MIPEP: variants seen among roughly 807,000 people sequenced by gnomAD.
MIPEP encodes the protein mitochondrial intermediate peptidase.
MIPEP carries 79 observed loss-of-function variants against 90.3 expected under a neutral mutation model. The observed-to-expected ratio is 0.87, with a 90% CI of 0.73 to 1.05. The LOEUF is 1.05. Ranked by LOEUF, MIPEP falls within the 50% of genes least tolerant of loss-of-function variation. MIPEP has a pLI of 0.00. For synonymous variants in MIPEP, 334 were observed against 315.8 expected (o/e 1.06, Z -0.61); for missense variants, 940 against 905.6 (o/e 1.04, Z -0.49).
chr13:23,809,634 T>C (rs944655069), intron 15 of MIPEP, among the ~76,000 whole-genome samples: 8 of 152,160 alleles, frequency 5.3e-5, no homozygotes, highest in African/African-American at 1.7e-4. Context: ...TGAGCCACTG[T>C]GCCTGGCCAG....
intron 18 of MIPEP, among the ~76,000 whole-genome samples, chr13:23,736,502 C>T (rs913914290): frequency 7.9e-5 from 12 of 152,150 alleles, no homozygotes; most frequent in African/African-American, 2.9e-4. Context: ...CTCAAATTAG[C>T]GTGTTTCATA....
Position 23,756,630 on chromosome 13 carries a change from A to G in MIPEP, c.1971-12T>C. 6.2e-7 allele frequency: 1 copy of G among 1,611,248 alleles called. No individual in the cohort carries two copies. The highest frequency in any genetic ancestry group is 1.1e-5 in the South Asian group (1 of 91,062). On this transcript the variant is annotated splice_polypyrimidine_tract_variant and intron_variant, in intron 17 of 18. Coordinates refer to ENST00000382172, the MANE Select transcript of MIPEP (RefSeq NM_005932.4). Reference sequence around the variant, plus strand: ...GCTCCCCGGCAGCCCTGGGGAAGAGAGGTTCTGTTACAGACTCCTGCTTGC... The same window carrying G: ...GCTCCCCGGCAGCCCTGGGGAAGAGGGGTTCTGTTACAGACTCCTGCTTGC...
chr13:23,797,242 C>A (rs558006553), intron 16 of MIPEP, among the ~76,000 whole-genome samples: 2 of 152,110 alleles, frequency 1.3e-5, no homozygotes, highest in South Asian at 4.2e-4. Context: ...TTCCCTGCTG[C>A]CCCTTCCCAC....
chr13:23,753,776 A>G (rs1405388815), intron 18 of MIPEP, among the ~76,000 whole-genome samples: 2 of 152,206 alleles, frequency 1.3e-5, no homozygotes, highest in African/African-American at 2.4e-5. Flanking sequence ...CCAAGGGATG[A>G]CTCATTCTGA....
At chr13:23,870,987 G>A (rs192044385) in intron 5 of MIPEP, among the ~76,000 whole-genome samples, 102 of 152,252 alleles carry the variant, frequency 6.7e-4, no homozygotes, top group African/African-American at 2.1e-3. Flanking sequence ...AGTGAGCTAC[G>A]ATCACACCAC....
At chr13:23,797,144 C>A (rs1400169344) in intron 16 of MIPEP, among the ~76,000 whole-genome samples, 2 of 152,206 alleles carry the variant, frequency 1.3e-5, no homozygotes, top group Non-Finnish European at 2.9e-5. Flanking sequence ...GCCAACCACA[C>A]TGGCTGACCC....
At chr13:23,731,560 G>A (rs540734957) in intron 18 of MIPEP, among the ~76,000 whole-genome samples, 2 of 152,118 alleles carry the variant, frequency 1.3e-5, no homozygotes, top group African/African-American at 2.4e-5. Flanking sequence ...ACCGCATGAA[G>A]TATCTTTGTG....
chr13:23,789,677 A>T (rs191340801), intron 16 of MIPEP, among the ~76,000 whole-genome samples: 66 of 152,328 alleles, frequency 4.3e-4, no homozygotes, highest in African/African-American at 1.5e-3. Context: ...CTATTTGGCA[A>T]GCTAACATAA....
chr13:23,884,894 T>C (rs568051095), intron 2 of MIPEP, among the ~76,000 whole-genome samples: 1 of 152,280 alleles, frequency 6.6e-6, no homozygotes, highest in South Asian at 2.1e-4. Flanking sequence ...ACTATTTAAA[T>C]TGTGTGTGCT....
intron 16 of MIPEP, among the ~76,000 whole-genome samples, chr13:23,800,533 T>C (rs563304510): frequency 8.5e-5 from 13 of 152,294 alleles, no homozygotes; most frequent in African/African-American, 3.1e-4. Flanking sequence ...GTAGAAAATT[T>C]TGGATTTCCA....
At chr13:23,884,897 T>A (rs1226191281) in intron 2 of MIPEP, among the ~76,000 whole-genome samples, 1 of 152,194 alleles carries the variant, frequency 6.6e-6, no homozygotes, top group Non-Finnish European at 1.5e-5. Flanking sequence ...ATTTAAATTG[T>A]GTGTGCTGCT....
At chr13:23,798,773 C>A (rs769616863) in intron 16 of MIPEP, among the ~76,000 whole-genome samples, 2 of 152,074 alleles carry the variant, frequency 1.3e-5, no homozygotes, top group African/African-American at 4.8e-5. Context: ...CCACTCTCCC[C>A]CTTTGCCTTC....
intron 15 of MIPEP, among the ~76,000 whole-genome samples, chr13:23,807,231 A>G (rs941307283): frequency 6.6e-6 from 1 of 152,258 alleles, no homozygotes; most frequent in Admixed American, 6.5e-5. Context: ...GAAATCTAAA[A>G]TAAACATAAA....
intron 18 of MIPEP, among the ~76,000 whole-genome samples, chr13:23,743,546 G>C (rs918178487): frequency 6.6e-6 from 1 of 152,130 alleles, no homozygotes; most frequent in African/African-American, 2.4e-5. Flanking sequence ...GGTATCTGTC[G>C]GCATTCACAT....
At chr13:23,765,673 G>C (rs1317130030) in intron 16 of MIPEP, among the ~76,000 whole-genome samples, 4 of 152,194 alleles carry the variant, frequency 2.6e-5, no homozygotes. Context: ...ACTTACTGCA[G>C]TACTGGAAGC....
intron 14 of MIPEP, among the ~76,000 whole-genome samples, chr13:23,833,127 C>T (rs952258910): frequency 6.6e-6 from 1 of 152,142 alleles, no homozygotes; most frequent in Non-Finnish European, 1.5e-5. Flanking sequence ...TAGGCATAAA[C>T]ATGCAACCCT....
At chr13:23,790,864 C>T (rs757086107) in intron 16 of MIPEP, among the ~76,000 whole-genome samples, 9 of 152,222 alleles carry the variant, frequency 5.9e-5, no homozygotes, top group Non-Finnish European at 1.2e-4. Flanking sequence ...GGCCTCTCGA[C>T]TCCTTGACCT....
intron 7 of MIPEP, among the ~76,000 whole-genome samples, chr13:23,866,103 T>A (rs541936389): frequency 6.6e-6 from 1 of 152,254 alleles, no homozygotes; most frequent in South Asian, 2.1e-4. Context: ...TCAGCCTCTC[T>A]GTCTTCCTTC....
Position 23,855,697 on chromosome 13 carries a change from G to A in MIPEP, c.1106+3163C>T, listed in dbSNP as rs760521527. On this transcript the variant is annotated intron_variant, in intron 10 of 18. Coordinates refer to ENST00000382172, the MANE Select transcript of MIPEP (RefSeq NM_005932.4). ...AAACCAAAACTCAGTAGCCTATTAA[G>A]CTACTTAAAATAGATTTTTAAAACC... 2.6e-5 allele frequency among the ~76,000 whole-genome samples: 4 copies of A among 152,288 alleles called. No homozygotes were observed. The East Asian group carries it at 7.7e-4, about 29-fold the overall frequency.
Sources: gnomAD v4.1 joint callset for allele counts (sites outside exome capture counted in the v4.1 genomes callset) on GRCh38, gnomAD v4.1.1 for gene constraint, MANE v1.5 for transcripts, NCBI Gene and HGNC (gene_info 2026-07-23, HGNC 2026-07-21) for gene names.